BCAS3: variants seen among roughly 807,000 people sequenced by gnomAD.
BCAS3 encodes BCAS3 microtubule associated cell migration factor.
Under a neutral mutation model 116.1 loss-of-function variants are expected in BCAS3, and 53 were observed. That is an observed-to-expected ratio of 0.46 (90% CI 0.37 to 0.57). The LOEUF is 0.57. Among genes scored for constraint, BCAS3 ranks in the 20% least tolerant of loss-of-function variants. BCAS3 has a pLI of 0.00. For synonymous variants in BCAS3, 391 were observed against 408.2 expected (o/e 0.96, Z 0.51); for missense variants, 917 against 1,165.4 (o/e 0.79, Z 3.10).
At chr17:61,154,643 A>G (rs916898697) in intron 22 of BCAS3, among the ~76,000 whole-genome samples, 16 of 151,956 alleles carry the variant, frequency 1.1e-4, no homozygotes, top group African/African-American at 3.4e-4. Context: ...AGATCTCTCT[A>G]CATTGCCCAG....
chr17:61,389,624 G>A (rs974469298), intron 23 of BCAS3: 4 of 152,278 alleles, frequency 2.6e-5, no homozygotes, highest in African/African-American at 4.8e-5. Context: ...CCTGGGATGC[G>A]GGGGCGAGGG....
At chr17:60,757,950 T>G (rs1012576765) in intron 6 of BCAS3, among the ~76,000 whole-genome samples, 3 of 152,132 alleles carry the variant, frequency 2.0e-5, no homozygotes, top group Admixed American at 6.6e-5. Context: ...TGGGGAGAGA[T>G]AGGGGTTCAG....
intron 19 of BCAS3, chr17:61,069,982 A>G: frequency 6.3e-7 from 1 of 1,586,738 alleles, no homozygotes; most frequent in East Asian, 2.2e-5. Flanking sequence ...CCACAAAAAG[A>G]AGAAGATCCG....
At chr17:61,340,544 G>T (rs1324392005) in intron 22 of BCAS3, among the ~76,000 whole-genome samples, 1 of 152,154 alleles carries the variant, frequency 6.6e-6, no homozygotes. Flanking sequence ...CAGCATTAAA[G>T]GTCCGTCTGG....
chr17:60,735,967 C>A (rs2040914582), intron 5 of BCAS3, among the ~76,000 whole-genome samples: 1 of 152,122 alleles, frequency 6.6e-6, no homozygotes, highest in Admixed American at 6.6e-5. Flanking sequence ...TGAGCTATTA[C>A]ATTAAGTGAG....
At chr17:60,743,288 A>G (rs1183472937) in intron 5 of BCAS3, among the ~76,000 whole-genome samples, 12 of 152,170 alleles carry the variant, frequency 7.9e-5, no homozygotes, top group Non-Finnish European at 1.6e-4. Context: ...TAAGATGAAC[A>G]AGTAGAACTT....
At chr17:60,845,879 A>C (rs1599112854) in intron 7 of BCAS3, among the ~76,000 whole-genome samples, 2 of 134,504 alleles carry the variant, frequency 1.5e-5, no homozygotes, top group African/African-American at 5.6e-5. Context: ...TGATTCTCCC[A>C]CCTCAGCATT....
chr17:61,292,601 G>A (rs749915562), intron 22 of BCAS3, among the ~76,000 whole-genome samples: 36 of 152,076 alleles, frequency 2.4e-4, no homozygotes, highest in Non-Finnish European at 4.4e-4. Flanking sequence ...GCAGTGAGCC[G>A]AGATCACGCC....
At chr17:61,194,119 AAAAAG>A (rs1296160717) in intron 22 of BCAS3, among the ~76,000 whole-genome samples, 5 of 152,132 alleles carry the variant, frequency 3.3e-5, no homozygotes, top group Non-Finnish European at 2.9e-5. Flanking sequence ...CCTGTCTCAG[AAAAAG>A]AAAAGAAAGG....
chr17:61,296,090 G>A (rs1248891841), intron 22 of BCAS3, among the ~76,000 whole-genome samples: 1 of 152,138 alleles, frequency 6.6e-6, no homozygotes, highest in Non-Finnish European at 1.5e-5. Flanking sequence ...GTTTGGTTTT[G>A]CCAGTGATAT....
intron 22 of BCAS3, among the ~76,000 whole-genome samples, chr17:61,116,187 C>T (rs2075430279): frequency 6.6e-6 from 1 of 151,712 alleles, no homozygotes; most frequent in East Asian, 1.9e-4. Context: ...CACATGTATA[C>T]ATATGTAACT....
intron 6 of BCAS3, among the ~76,000 whole-genome samples, chr17:60,760,577 G>A (rs1009609249): frequency 2.0e-5 from 3 of 151,188 alleles, no homozygotes; most frequent in South Asian, 2.1e-4. Flanking sequence ...TGAGAAATCC[G>A]CTGTTGGCTT....
At chr17:61,112,814 C>A (rs1351539146) in intron 22 of BCAS3, among the ~76,000 whole-genome samples, 4 of 151,636 alleles carry the variant, frequency 2.6e-5, no homozygotes, top group Admixed American at 2.6e-4. Context: ...ACACCTATTC[C>A]AAAATTGACC....
chr17:61,313,504 TTTTG>T lies in BCAS3; in HGVS notation c.2426-54820_2426-54817del, dbSNP rs1207912350. On this transcript the variant is annotated intron_variant, in intron 22 of 23. Transcript: ENST00000407086. The surrounding 1 kb of genome is among the most constrained non-coding windows in gnomAD (Gnocchi z 4.3). ...AGAAAAGAATTGCTGATCTCAAGCA[TTTTG>T]TTACCAGAATAACCCCACAGGAGAG... Among the ~76,000 whole-genome samples the T allele has an allele frequency of 1.3e-5, 2 of 152,214 alleles. No individual in the cohort carries two copies. Among genetic ancestry groups the T allele is most frequent in the African/African-American group, 4.8e-5 (2 of 41,454 alleles).
intron 19 of BCAS3, among the ~76,000 whole-genome samples, chr17:61,066,060 C>A (rs1202116496): frequency 1.3e-5 from 2 of 152,084 alleles, no homozygotes; most frequent in Admixed American, 6.6e-5. Flanking sequence ...TTAGGGTCAG[C>A]ATTTTTATCC....
In BCAS3 at chr17:61,364,915, C is replaced by T. The variant is rs2058646777; in HGVS notation, c.2426-3412C>T. Among the ~76,000 whole-genome samples, 1 of 152,162 alleles carries T rather than the reference C, an allele frequency of 6.6e-6. No individual in the cohort carries two copies. The highest frequency in any genetic ancestry group is 1.5e-5 in the Non-Finnish European group (1 of 68,042). On this transcript the variant is annotated intron_variant, in intron 22 of 23. Coordinates refer to ENST00000407086, the MANE Select transcript of BCAS3 (RefSeq NM_017679.5). The surrounding 1 kb of genome is among the most constrained non-coding windows in gnomAD (Gnocchi z 5.4). ...TAGTACCTCTACGACCTCTCAGGAT[C>T]ATTATGATAGTCAGAATTTATGATG... is the stretch of plus-strand genomic sequence containing the variant.
intron 6 of BCAS3, among the ~76,000 whole-genome samples, chr17:60,750,530 C>T (rs545753430): frequency 1.1e-4 from 17 of 152,172 alleles, no homozygotes; most frequent in African/African-American, 4.1e-4. Context: ...ATGAAAGTGT[C>T]GTTATTCATC....
At chr17:61,044,465 A>AAAATATAT in intron 19 of BCAS3, among the ~76,000 whole-genome samples, 1 of 120,116 alleles carries the variant, frequency 8.3e-6, no homozygotes, top group African/African-American at 5.0e-5. Flanking sequence ...AAAAAAAAAA[A>AAAATATAT]ATATATATAT....
intron 6 of BCAS3, among the ~76,000 whole-genome samples, chr17:60,760,296 T>C (rs1433194062): frequency 6.6e-6 from 1 of 152,214 alleles, no homozygotes; most frequent in Non-Finnish European, 1.5e-5. Flanking sequence ...CAGTGAGTTT[T>C]ATATTTTTGT....
Sources: gnomAD v4.1 joint callset for allele counts (sites outside exome capture counted in the v4.1 genomes callset) on GRCh38, gnomAD v4.1.1 for gene constraint, Gnocchi (gnomAD v3.1) non-coding constraint, MANE v1.5 for transcripts, NCBI Gene and HGNC (gene_info 2026-07-23, HGNC 2026-07-21) for gene names.